The following DCAF17 variants were observed in gnomAD, a reference collection of about 807,000 sequenced individuals.
DCAF17 encodes DDB1- and CUL4-associated factor 17.
Under a neutral mutation model 66.0 loss-of-function variants are expected in DCAF17, and 48 were observed. The observed-to-expected ratio is 0.73, with a 90% CI of 0.58 to 0.92. The LOEUF is 0.92. Ranked by LOEUF, DCAF17 falls within the 40% of genes least tolerant of loss-of-function variation. DCAF17 has a pLI of 0.00. For missense variants in DCAF17, 562 were observed against 622.8 expected, an observed-to-expected ratio of 0.90 and a Z score of 1.04; for synonymous variants, 206 against 214.6, an observed-to-expected ratio of 0.96 and a Z score of 0.35.
intron 5 of DCAF17, among the ~76,000 whole-genome samples, chr2:171,452,819 T>C (rs1159589551): frequency 1.3e-5 from 2 of 152,224 alleles, no homozygotes; most frequent in Admixed American, 1.3e-4. Flanking sequence ...GGCTCTTTAT[T>C]GTTCAAACTC....
intron 8 of DCAF17, among the ~76,000 whole-genome samples, chr2:171,460,793 C>T (rs1047103643): frequency 4.6e-5 from 7 of 152,042 alleles, no homozygotes; most frequent in African/African-American, 1.4e-4. Flanking sequence ...ACCTCATCCG[C>T]CCAAAGTGCT....
chr2:171,445,162 T>C (rs895735417), intron 3 of DCAF17, among the ~76,000 whole-genome samples: 12 of 152,078 alleles, frequency 7.9e-5, no homozygotes, highest in Non-Finnish European at 1.5e-4. Flanking sequence ...TCTCTCTTTG[T>C]TGCCCAGGCT....
chr2:171,452,619 A>G (rs2105760441), intron 5 of DCAF17, among the ~76,000 whole-genome samples: 1 of 152,134 alleles, frequency 6.6e-6, no homozygotes, highest in Non-Finnish European at 1.5e-5. Context: ...ATGTCCAGCT[A>G]ATTTTTTTAT....
intron 2 of DCAF17, among the ~76,000 whole-genome samples, chr2:171,437,644 T>G (rs2105721130): frequency 6.6e-6 from 1 of 152,352 alleles, no homozygotes. Context: ...TTGGGTAAAT[T>G]TTGATAGATG....
intron 11 of DCAF17, among the ~76,000 whole-genome samples, chr2:171,477,498 A>T (rs1168203884): frequency 1.3e-5 from 2 of 152,190 alleles, no homozygotes; most frequent in Non-Finnish European, 2.9e-5. Context: ...AAAAACTTTA[A>T]TAAAGTATTT....
chr2:171,455,771 TG>T (rs1223562693), intron 6 of DCAF17, among the ~76,000 whole-genome samples: 1 of 152,252 alleles, frequency 6.6e-6, no homozygotes, highest in Non-Finnish European at 1.5e-5. Context: ...TCAGTGATGT[TG>T]AGCTTTTTTT....
chr2:171,439,880 A>C (rs1694205153), intron 2 of DCAF17, among the ~76,000 whole-genome samples: 1 of 152,138 alleles, frequency 6.6e-6, no homozygotes, highest in Non-Finnish European at 1.5e-5. Context: ...GTGAGTTGTG[A>C]TTGCATGCCA....
intron 11 of DCAF17, among the ~76,000 whole-genome samples, chr2:171,477,492 A>G (rs113478476): frequency 1.1e-4 from 17 of 152,160 alleles, no homozygotes; most frequent in African/African-American, 4.1e-4. Flanking sequence ...GCCATTAAAA[A>G]CTTTAATAAA....
intron 8 of DCAF17, among the ~76,000 whole-genome samples, chr2:171,463,335 A>G: frequency 6.6e-6 from 1 of 151,378 alleles, no homozygotes; most frequent in Non-Finnish European, 1.5e-5. Context: ...AAAACTGTGT[A>G]TATAAAAATC....
At position 171,485,050 on chromosome 2, in the gene DCAF17, C is replaced by T. The variant is rs1360072538; in HGVS notation, c.*3936C>T. The T allele has an allele frequency of 2.2e-6, 1 of 450,426 alleles. No homozygotes were observed. Among genetic ancestry groups the T allele is most frequent in the African/African-American group, 2.0e-5 (1 of 49,626 alleles). 27.9% of individuals were successfully genotyped at this position (450,426 alleles called of 1,614,324 possible). A position where few individuals can be genotyped will look rare whatever the true frequency, so the allele number is the denominator to read the frequency against. On this transcript the variant is annotated 3_prime_UTR_variant, in exon 14 of 14. Transcript: ENST00000375255. ...TAAAGCTGCTATGAACATTCTTAGA[C>T]AATTCTTTTGTGAACATGTGTCTTT... is the stretch of plus-strand genomic sequence containing the variant.
At chr2:171,468,380 T>C (rs992144806) in intron 8 of DCAF17, among the ~76,000 whole-genome samples, 4 of 152,152 alleles carry the variant, frequency 2.6e-5, no homozygotes, top group Non-Finnish European at 4.4e-5. Context: ...TACTCCTCTG[T>C]ACTGGAAATC....
intron 3 of DCAF17, among the ~76,000 whole-genome samples, chr2:171,443,945 T>C (rs1425579250): frequency 1.3e-5 from 2 of 152,182 alleles, no homozygotes; most frequent in Non-Finnish European, 2.9e-5. Context: ...CTCAATATAC[T>C]GAAACAGTAA....
At chr2:171,458,125 T>A (rs993975600) in intron 7 of DCAF17, 50 bp downstream of exon 7, 9 of 1,510,898 alleles carry the variant, frequency 6.0e-6, no homozygotes, top group African/African-American at 1.4e-5. Flanking sequence ...AGTTTTCGAC[T>A]AAAGTATGAT....
rs1475444993 is a variant in DCAF17 at position 171,449,945 on chromosome 2, A to G, written c.525A>G (p.Ala175=). Residue 175 remains alanine, a synonymous_variant, in exon 5 of 14, where the codon GCA becomes GCG. Coordinates refer to ENST00000375255, the MANE Select transcript of DCAF17 (RefSeq NM_025000.4). ...AVKSAQNRGS[A]VARQAGIQQH... is the part of the protein sequence containing the mutation. ...AGTCAGCTCAGAACAGAGGCTCAGC[A>G]GTGGCCCGGCAGGTATACATATTTA... The G allele has an allele frequency of 6.2e-7, 1 of 1,613,452 alleles. No individual in the cohort carries two copies. The highest frequency in any genetic ancestry group is 8.5e-7 in the Non-Finnish European group (1 of 1,179,548).
chr2:171,442,512 C>T (rs1449016968), intron 2 of DCAF17, among the ~76,000 whole-genome samples: 3 of 144,688 alleles, frequency 2.1e-5, no homozygotes, highest in African/African-American at 2.6e-5. Context: ...TGCAGTGAAC[C>T]GAGATGGTGC....
chr2:171,442,037 G>A (rs924491684), intron 2 of DCAF17, among the ~76,000 whole-genome samples: 3 of 152,124 alleles, frequency 2.0e-5, no homozygotes, highest in Non-Finnish European at 4.4e-5. Context: ...TTAAATTAGA[G>A]TAAGTGGTGT....
At chr2:171,465,219 G>A (rs996521088) in intron 8 of DCAF17, among the ~76,000 whole-genome samples, 10 of 150,630 alleles carry the variant, frequency 6.6e-5, no homozygotes, top group African/African-American at 2.4e-4. Flanking sequence ...AAAAAAAAAA[G>A]TATGGGGTGA....
At chr2:171,445,895 C>T (rs1574333080) in intron 3 of DCAF17, among the ~76,000 whole-genome samples, 1 of 151,898 alleles carries the variant, frequency 6.6e-6, no homozygotes, top group African/African-American at 2.4e-5. Flanking sequence ...GTTGCCTAGG[C>T]TAGTCTTGAA....
intron 4 of DCAF17, 120 bp downstream of exon 4, chr2:171,448,937 T>G: frequency 1.1e-6 from 1 of 875,292 alleles, no homozygotes; most frequent in Non-Finnish European, 1.8e-6. Context: ...TCTCAATTAA[T>G]AAACCTATTT....
Sources: gnomAD v4.1 joint callset for allele counts (sites outside exome capture counted in the v4.1 genomes callset) on GRCh38, gnomAD v4.1.1 for gene constraint, MANE v1.5 for transcripts, NCBI Gene and HGNC (gene_info 2026-07-23, HGNC 2026-07-21) for gene names.